The following NCR3LG1 variants were observed in gnomAD, a reference collection of about 807,000 sequenced individuals.
NCR3LG1 encodes natural cytotoxicity triggering receptor 3 ligand 1.
NCR3LG1 carries 35 observed loss-of-function variants against 34.8 expected under a neutral mutation model. The observed-to-expected ratio is 1.01, with a 90% CI of 0.77 to 1.33. The LOEUF is 1.33. Among genes scored for constraint, NCR3LG1 ranks in the 40% most tolerant of loss-of-function variants. The pLI is 0.00. For synonymous variants in NCR3LG1, 173 were observed against 163.6 expected, an observed-to-expected ratio of 1.06 and a Z score of -0.44; for missense variants, 452 against 423.3, an observed-to-expected ratio of 1.07 and a Z score of -0.60.
chr11:17,359,876 C>T (rs1953251487), intron 2 of NCR3LG1, among the ~76,000 whole-genome samples: 1 of 152,050 alleles, frequency 6.6e-6, no homozygotes, highest in Non-Finnish European at 1.5e-5. Flanking sequence ...TAGCAGTTCC[C>T]TAATGATATA....
At chr11:17,354,153 A>G (rs1388285971) in intron 1 of NCR3LG1, among the ~76,000 whole-genome samples, 2 of 152,266 alleles carry the variant, frequency 1.3e-5, no homozygotes, top group Admixed American at 1.3e-4. Context: ...GCTGTAGTTA[A>G]CAGTCCTCCC....
chr11:17,365,444 T>C (rs1953334693), intron 2 of NCR3LG1, among the ~76,000 whole-genome samples: 2 of 152,212 alleles, frequency 1.3e-5, no homozygotes, highest in South Asian at 4.1e-4. Context: ...TCTTATTCTT[T>C]TAGTGGCCTG....
At chr11:17,364,797 C>T (rs903119682) in intron 2 of NCR3LG1, among the ~76,000 whole-genome samples, 11 of 151,776 alleles carry the variant, frequency 7.2e-5, no homozygotes, top group South Asian at 2.1e-4. Context: ...CCACCCACCT[C>T]GGCCTCCCAA....
chr11:17,366,412 T>C (rs1401113513), intron 2 of NCR3LG1, among the ~76,000 whole-genome samples: 1 of 152,148 alleles, frequency 6.6e-6, no homozygotes, highest in Non-Finnish European at 1.5e-5. Context: ...AATCCAGGCC[T>C]ACTAGACCCC....
intron 1 of NCR3LG1, among the ~76,000 whole-genome samples, chr11:17,354,707 T>C (rs911184452): frequency 6.6e-6 from 1 of 152,126 alleles, no homozygotes; most frequent in African/African-American, 2.4e-5. Flanking sequence ...TGACCCTATC[T>C]TCATTTTGTA....
At chr11:17,364,593 C>CTGG (rs1213314212) in intron 2 of NCR3LG1, among the ~76,000 whole-genome samples, 4 of 151,672 alleles carry the variant, frequency 2.6e-5, no homozygotes, top group South Asian at 2.1e-4. Context: ...GTTGCCCAGT[C>CTGG]TGGAGTGCAG....
At chr11:17,379,743 TTTTAAATATTACATTAATATTTAAA>T (rs1953503919), downstream of NCR3LG1, among the ~76,000 whole-genome samples, 1 of 152,234 alleles carries the variant, frequency 6.6e-6, no homozygotes, top group South Asian at 2.1e-4. Flanking sequence ...ATGTAAAACA[TTTTAAATATTACATTAATATTTAAA>T]ATGTTTTTTA....
At chr11:17,355,044 C>T (rs1352706789) in intron 1 of NCR3LG1, among the ~76,000 whole-genome samples, 1 of 152,112 alleles carries the variant, frequency 6.6e-6, no homozygotes, top group East Asian at 1.9e-4. Flanking sequence ...TTTGAACTGT[C>T]CTTGCACTTT....
intron 2 of NCR3LG1, among the ~76,000 whole-genome samples, chr11:17,359,074 C>G (rs1312925990): frequency 6.6e-6 from 1 of 152,078 alleles, no homozygotes; most frequent in Non-Finnish European, 1.5e-5. Context: ...GGTTCTAGTC[C>G]TAGAACCAAC....
chr11:17,367,421 C>T, intron 3 of NCR3LG1, 74 bp downstream of exon 3: 1 of 1,232,002 alleles, frequency 8.1e-7, no homozygotes, highest in Non-Finnish European at 1.1e-6. Context: ...TCCCACACAG[C>T]CTGGGTCTTA....
downstream of NCR3LG1, among the ~76,000 whole-genome samples, chr11:17,380,027 C>T (rs1050078386): frequency 2.6e-5 from 4 of 152,200 alleles, no homozygotes; most frequent in Admixed American, 6.5e-5. Context: ...CTGAGCAAGG[C>T]AGGAGCTCCG....
chr11:17,363,214 A>G (rs1162862121), intron 2 of NCR3LG1, among the ~76,000 whole-genome samples: 2 of 151,094 alleles, frequency 1.3e-5, no homozygotes, highest in African/African-American at 4.9e-5. Flanking sequence ...ATGAGCCACC[A>G]TGCCTGGCCC....
At chr11:17,356,533 C>T (rs1953207404) in intron 1 of NCR3LG1, 118 bp from the exon 2 acceptor site, 1 of 713,850 alleles carries the variant, frequency 1.4e-6, no homozygotes, top group South Asian at 1.9e-5. Flanking sequence ...GATACCATCA[C>T]ACTGGGGGTC....
At position 17,372,026 on chromosome 11, in the gene NCR3LG1, A is replaced by G. The variant is rs1338423005; in HGVS notation, c.879A>G (p.Ser293=). Residue 293 remains serine, a synonymous_variant, in exon 5 of 5, where the codon TCA becomes TCG. Transcript: ENST00000338965. ...PWKKICNKSS[S]AYTPLKCILK... is the part of the protein sequence containing the mutation. ...TCTAGATATGTAACAAATCATCTTCAGCCTATACTCCTCTCAAGTGCATTC... is the reference window on the plus strand; with the variant it reads ...TCTAGATATGTAACAAATCATCTTCGGCCTATACTCCTCTCAAGTGCATTC... 1.4e-6 allele frequency: 1 copy of G among 700,672 alleles called. No individual in the cohort carries two copies. The highest frequency in any genetic ancestry group is 2.7e-5 in the East Asian group (1 of 37,258). 43.4% of individuals were successfully genotyped at this position (700,672 alleles called of 1,614,324 possible).
At chr11:17,360,000 C>G (rs1591680048) in intron 2 of NCR3LG1, among the ~76,000 whole-genome samples, 1 of 152,132 alleles carries the variant, frequency 6.6e-6, no homozygotes, top group East Asian at 1.9e-4. Flanking sequence ...ACTTCCCAGG[C>G]TCAGGTGATT....
Position 17,368,859 on chromosome 11 carries a change from C to T in NCR3LG1, c.761-8C>T. 6.6e-7 allele frequency: 1 copy of T among 1,516,748 alleles called. No individual in the cohort carries two copies. Among genetic ancestry groups the T allele is most frequent in the Non-Finnish European group, 8.9e-7 (1 of 1,129,366 alleles). 94.0% of individuals were successfully genotyped at this position (1,516,748 alleles called of 1,614,324 possible). A position where few individuals can be genotyped will look rare whatever the true frequency, so the allele number is the denominator to read the frequency against. ...TTTCCTGCTAATGTTTTCCTTCTCT[C>T]TCTGCAGAAACTGAGAAGACAGATA... is the stretch of plus-strand genomic sequence containing the variant. On this transcript the variant is annotated splice_region_variant and splice_polypyrimidine_tract_variant and intron_variant, in intron 3 of 4. Transcript: ENST00000338965.
intron 1 of NCR3LG1, among the ~76,000 whole-genome samples, chr11:17,352,855 A>G (rs1463963180): frequency 6.6e-6 from 1 of 151,678 alleles, no homozygotes; most frequent in African/African-American, 2.4e-5. Context: ...TAAACAGGAG[A>G]CTAAAAGGCT....
chr11:17,367,428 C>T (rs989010415), intron 3 of NCR3LG1, 81 bp downstream of exon 3: 2 of 1,172,220 alleles, frequency 1.7e-6, no homozygotes, highest in African/African-American at 1.5e-5. Context: ...CAGCCTGGGT[C>T]TTAGCTGGGG....
intron 4 of NCR3LG1, among the ~76,000 whole-genome samples, chr11:17,371,160 T>C (rs552729494): frequency 1.4e-3 from 152 of 107,160 alleles, no homozygotes; most frequent in African/African-American, 0.011. Flanking sequence ...GACAAACTAG[T>C]TTTTTTTCTA....
Sources: gnomAD v4.1 joint callset for allele counts (sites outside exome capture counted in the v4.1 genomes callset) on GRCh38, gnomAD v4.1.1 for gene constraint, MANE v1.5 for transcripts, NCBI Gene and HGNC (gene_info 2026-07-23, HGNC 2026-07-21) for gene names.